The following FAR2 variants were observed in gnomAD, a reference collection of about 807,000 sequenced individuals.
FAR2 encodes the protein fatty acyl-CoA reductase 2.
A neutral mutation model predicts 56.0 loss-of-function variants in FAR2; 19 were observed. That is an observed-to-expected ratio of 0.34 (90% CI 0.24 to 0.50). FAR2 has a LOEUF of 0.50. Ranked by LOEUF, FAR2 falls within the 20% of genes least tolerant of loss-of-function variation. The pLI, the probability that FAR2 is intolerant of heterozygous loss-of-function variation, is 0.98. For synonymous variants in FAR2, 219 were observed against 218.8 expected (o/e 1.00, Z -0.01); for missense variants, 508 against 642.2 (o/e 0.79, Z 2.26).
At chr12:29,168,593 G>A (rs1248782430) in intron 1 of FAR2, among the ~76,000 whole-genome samples, 3 of 152,188 alleles carry the variant, frequency 2.0e-5, no homozygotes, top group African/African-American at 4.8e-5. Context: ...GCGGACCTTC[G>A]CGGTGAGTGT....
At chr12:29,232,187 C>A (rs1947870018) in intron 1 of FAR2, among the ~76,000 whole-genome samples, 1 of 152,126 alleles carries the variant, frequency 6.6e-6, no homozygotes, top group South Asian at 2.1e-4. Flanking sequence ...CATTTTCTCA[C>A]CAACTTTCCC....
In FAR2 at chr12:29,302,444, C is replaced by T. The variant is rs539389601; in HGVS notation, c.546-5214C>T. 1.4e-4 allele frequency among the ~76,000 whole-genome samples: 22 copies of T among 152,024 alleles called. 1 individual carries two copies. Among genetic ancestry groups the T allele is most frequent in the African/African-American group, 5.1e-4 (21 of 41,480 alleles). ...AGTGTGGATAGGTGAGATGTGCACA[C>T]GTGCCTGGCAGGGCAGCTGGAGCTG... On this transcript the variant is annotated intron_variant, in intron 4 of 11. Coordinates refer to ENST00000536681, the MANE Select transcript of FAR2 (RefSeq NM_001271783.2).
At chr12:29,332,420 T>C (rs1216770373) in intron 10 of FAR2, among the ~76,000 whole-genome samples, 180 bp from the exon 11 acceptor site, 3 of 152,254 alleles carry the variant, frequency 2.0e-5, no homozygotes, top group Non-Finnish European at 4.4e-5. Flanking sequence ...CCTATGTAAA[T>C]AGTAATCCAT....
intron 2 of FAR2, among the ~76,000 whole-genome samples, chr12:29,289,003 T>C (rs535154776): frequency 1.3e-5 from 2 of 152,048 alleles, no homozygotes; most frequent in Non-Finnish European, 2.9e-5. Flanking sequence ...ATCTCTATAA[T>C]GAAAACTATA....
At chr12:29,302,633 A>G (rs1211070112) in intron 4 of FAR2, among the ~76,000 whole-genome samples, 1 of 152,218 alleles carries the variant, frequency 6.6e-6, no homozygotes, top group East Asian at 1.9e-4. Context: ...TATGCAGTAG[A>G]GATCCATTGA....
At chr12:29,319,328 G>A (rs1204064143) in intron 9 of FAR2, among the ~76,000 whole-genome samples, 5 of 152,232 alleles carry the variant, frequency 3.3e-5, no homozygotes, top group South Asian at 4.1e-4. Flanking sequence ...CTCTTAATGG[G>A]GGTAAGAATA....
At chr12:29,289,619 C>T (rs185921994) in intron 2 of FAR2, among the ~76,000 whole-genome samples, 12 of 152,276 alleles carry the variant, frequency 7.9e-5, no homozygotes, top group Non-Finnish European at 1.6e-4. Flanking sequence ...ATCTCCAGGA[C>T]GTTGGTCTGG....
intron 1 of FAR2, among the ~76,000 whole-genome samples, chr12:29,153,566 G>A (rs1949698388): frequency 6.6e-6 from 1 of 152,200 alleles, no homozygotes; most frequent in Non-Finnish European, 1.5e-5. Flanking sequence ...AATTTAATTT[G>A]AGTGGGTTGC....
chr12:29,295,914 G>A lies in FAR2; in HGVS notation c.366-1107G>A, dbSNP rs368822918. Among the ~76,000 whole-genome samples the A allele has an allele frequency of 6.0e-5, 9 of 150,778 alleles. No individual in the cohort carries two copies. The East Asian group carries it at 1.2e-3, about 20-fold the overall frequency. ...CTCCCGAGTAGCTGGGACTACAGGC[G>A]CCCGCCACCGCGCCCGGCTAATTTT... On this transcript the variant is annotated intron_variant, in intron 3 of 11. Coordinates refer to ENST00000536681, the MANE Select transcript of FAR2 (RefSeq NM_001271783.2).
chr12:29,161,460 A>G (rs1283856472), intron 1 of FAR2, among the ~76,000 whole-genome samples: 2 of 152,130 alleles, frequency 1.3e-5, no homozygotes, highest in Non-Finnish European at 2.9e-5. Flanking sequence ...AGATCTTTCA[A>G]ATTATTGTGT....
At chr12:29,157,979 A>G (rs2136574859) in intron 1 of FAR2, among the ~76,000 whole-genome samples, 1 of 152,364 alleles carries the variant, frequency 6.6e-6, no homozygotes, top group African/African-American at 2.4e-5. Context: ...ATTATTTTCA[A>G]TAAAGGATAT....
chr12:29,273,113 C>A (rs1948646858), intron 2 of FAR2, among the ~76,000 whole-genome samples: 1 of 152,120 alleles, frequency 6.6e-6, no homozygotes, highest in Non-Finnish European at 1.5e-5. Flanking sequence ...GAAGGTCTCA[C>A]CCTGTTGTGG....
At chr12:29,254,565 G>A (rs1035262121) in intron 1 of FAR2, among the ~76,000 whole-genome samples, 9 of 152,228 alleles carry the variant, frequency 5.9e-5, no homozygotes, top group Non-Finnish European at 1.2e-4. Flanking sequence ...ATACCTGGCC[G>A]TATTGTCACA....
At chr12:29,254,280 C>G (rs928853969) in intron 1 of FAR2, among the ~76,000 whole-genome samples, 1 of 152,098 alleles carries the variant, frequency 6.6e-6, no homozygotes, top group Admixed American at 6.6e-5. Context: ...GGGGTATACT[C>G]AGGAAATTAA....
intron 1 of FAR2, among the ~76,000 whole-genome samples, chr12:29,203,068 C>A (rs1427655210): frequency 2.0e-5 from 3 of 152,000 alleles, no homozygotes; most frequent in Non-Finnish European, 4.4e-5. Flanking sequence ...ATACATAAGA[C>A]CCTGAGAATT....
At chr12:29,309,098 T>C in intron 5 of FAR2, 88 bp from the exon 6 acceptor site, 1 of 922,748 alleles carries the variant, frequency 1.1e-6, no homozygotes, top group South Asian at 1.3e-5. Context: ...TGCTCTTGTT[T>C]GAAATTTATT....
chr12:29,302,458 C>T (rs7301188), intron 4 of FAR2, among the ~76,000 whole-genome samples: 45,402 of 151,530 alleles, frequency 0.3, 6,856 homozygotes, highest in East Asian at 0.35. Flanking sequence ...CCTGGCAGGG[C>T]AGCTGGAGCT....
At chr12:29,295,670 T>C (rs1949054160) in intron 3 of FAR2, among the ~76,000 whole-genome samples, 1 of 152,004 alleles carries the variant, frequency 6.6e-6, no homozygotes. Flanking sequence ...GAATTTGATA[T>C]ATTTTAAACG....
intron 1 of FAR2, among the ~76,000 whole-genome samples, chr12:29,176,653 A>C (rs1949941848): frequency 6.6e-6 from 1 of 152,256 alleles, no homozygotes; most frequent in Non-Finnish European, 1.5e-5. Context: ...TCAGTGGCTT[A>C]TAACACAGGC....
Sources: allele counts gnomAD v4.1 joint callset (sites outside exome capture counted in the v4.1 genomes callset), GRCh38; gene constraint gnomAD v4.1.1; transcripts MANE v1.5; gene names NCBI Gene and HGNC (gene_info 2026-07-23, HGNC 2026-07-21).